Variants in OR1J2 observed in about 807,000 individuals in gnomAD.
OR1J2 encodes the protein olfactory receptor family 1 subfamily J member 2, also known as olfactory receptor 1J2.
For synonymous variants in OR1J2, 142 were observed against 99.7 expected (o/e 1.42, Z -2.52); for missense variants, 304 against 246.1 (o/e 1.24, Z -1.57).
the OR1J2 span, among the ~76,000 whole-genome samples, chr9:122,565,256 T>C: frequency 2.0e-5 from 3 of 152,176 alleles, no homozygotes; most frequent in Non-Finnish European, 4.4e-5. Context: ...GGAAGAGCAA[T>C]GTGAATAGAC....
At chr9:122,482,482 A>G in the OR1J2 span, among the ~76,000 whole-genome samples, 5 of 152,226 alleles carry the variant, frequency 3.3e-5, no homozygotes, top group African/African-American at 1.2e-4. Context: ...AAAATTAAAT[A>G]GAACTACCAT....
the OR1J2 span, among the ~76,000 whole-genome samples, chr9:122,498,180 A>T: frequency 1.6e-3 from 247 of 152,188 alleles, no homozygotes; most frequent in Non-Finnish European, 2.8e-3. Flanking sequence ...CCTCTCTAGC[A>T]ATATTAGAAA....
the OR1J2 span, among the ~76,000 whole-genome samples, chr9:122,460,002 T>C: frequency 6.6e-6 from 1 of 152,152 alleles, no homozygotes; most frequent in Non-Finnish European, 1.5e-5. Context: ...TGCCTTTGCA[T>C]CCTCATAACT....
chr9:122,529,792 T>G, the OR1J2 span, among the ~76,000 whole-genome samples: 1 of 152,154 alleles, frequency 6.6e-6, no homozygotes, highest in Non-Finnish European at 1.5e-5. Flanking sequence ...TCGTCTACTG[T>G]GTCAGCCAAC....
At chr9:122,486,067 TCTC>T in the OR1J2 span, among the ~76,000 whole-genome samples, 1 of 151,652 alleles carries the variant, frequency 6.6e-6, no homozygotes, top group Non-Finnish European at 1.5e-5. Context: ...TTCAAGCAAT[TCTC>T]CTGTCTCAGC....
chr9:122,522,775 TG>T, the OR1J2 span, among the ~76,000 whole-genome samples: 1 of 152,190 alleles, frequency 6.6e-6, no homozygotes, highest in Non-Finnish European at 1.5e-5. Context: ...CAAACAGATC[TG>T]GATAAAGAGA....
At chr9:122,477,416 C>A in the OR1J2 span, 15 of 1,613,834 alleles carry the variant, frequency 9.3e-6, no homozygotes, top group Non-Finnish European at 1.0e-5. Context: ...ATGATGTGGT[C>A]AGCACAGAAG....
chr9:122,565,691 A>C, the OR1J2 span, among the ~76,000 whole-genome samples: 1 of 152,252 alleles, frequency 6.6e-6, no homozygotes, highest in Non-Finnish European at 1.5e-5. Flanking sequence ...ATAATACCTG[A>C]CAGGTAGTTT....
At chr9:122,542,607 TTTA>T in the OR1J2 span, among the ~76,000 whole-genome samples, 1 of 152,212 alleles carries the variant, frequency 6.6e-6, no homozygotes, top group Non-Finnish European at 1.5e-5. Flanking sequence ...CCTTTAAAAC[TTTA>T]TTATACTTGC....
At chr9:122,487,347 C>G in the OR1J2 span, among the ~76,000 whole-genome samples, 1 of 151,714 alleles carries the variant, frequency 6.6e-6, no homozygotes, top group Non-Finnish European at 1.5e-5. Context: ...AGTACAAACA[C>G]CAGAGAATAA....
chr9:122,448,040 A>G, the OR1J2 span, among the ~76,000 whole-genome samples: 1 of 152,178 alleles, frequency 6.6e-6, no homozygotes, highest in African/African-American at 2.4e-5. Context: ...CAGTGGGCCT[A>G]GGGAACTGGC....
At chr9:122,553,403 C>G in the OR1J2 span, 2 of 1,614,058 alleles carry the variant, frequency 1.2e-6, no homozygotes, top group Admixed American at 1.7e-5. Context: ...CCATGTACTT[C>G]TTTCTGGCCA....
chr9:122,449,607 G>A, the OR1J2 span, among the ~76,000 whole-genome samples: 1 of 152,128 alleles, frequency 6.6e-6, no homozygotes, highest in Non-Finnish European at 1.5e-5. Context: ...CTGACCTCGT[G>A]ATCCTTCCGC....
the OR1J2 span, among the ~76,000 whole-genome samples, chr9:122,473,360 C>T: frequency 6.6e-6 from 1 of 152,142 alleles, no homozygotes; most frequent in Non-Finnish European, 1.5e-5. Flanking sequence ...CTAGTAGGGC[C>T]CTAGAGACGT....
the OR1J2 span, among the ~76,000 whole-genome samples, chr9:122,470,316 A>G: frequency 1.9e-3 from 290 of 152,338 alleles, no homozygotes; most frequent in African/African-American, 6.4e-3. Flanking sequence ...AGCTCAGGCC[A>G]TGGCTTCAGA....
chr9:122,537,283 G>A, the OR1J2 span, among the ~76,000 whole-genome samples: 1 of 152,182 alleles, frequency 6.6e-6, no homozygotes, highest in African/African-American at 2.4e-5. Context: ...TACAATGTCT[G>A]GAATCTATGA....
chr9:122,497,606 A>G, the OR1J2 span, among the ~76,000 whole-genome samples: 1 of 151,804 alleles, frequency 6.6e-6, no homozygotes, highest in African/African-American at 2.4e-5. Flanking sequence ...TTATTCTTTC[A>G]AAGAACCAAC....
the OR1J2 span, chr9:122,568,737 A>C: frequency 5.4e-6 from 2 of 368,996 alleles, no homozygotes; most frequent in Non-Finnish European, 9.6e-6. Context: ...TCAGAAGTGG[A>C]CTCCTCTAAT....
chr9:122,526,674 A>T, the OR1J2 span: 1 of 1,614,118 alleles, frequency 6.2e-7, no homozygotes, highest in Admixed American at 1.7e-5. Flanking sequence ...TAAAAAGGGG[A>T]CGATGAGTAC....
Sources: allele counts gnomAD v4.1 joint callset (sites outside exome capture counted in the v4.1 genomes callset), GRCh38; gene constraint gnomAD v4.1.1; transcripts MANE v1.5; gene names NCBI Gene and HGNC (gene_info 2026-07-23, HGNC 2026-07-21).